Variants in NLGN2 observed in about 807,000 individuals in gnomAD.
NLGN2 encodes the protein neuroligin-2.
A neutral mutation model predicts 48.6 loss-of-function variants in NLGN2; 11 were observed. The observed-to-expected ratio is 0.23, with a 90% CI of 0.14 to 0.37. NLGN2 has a LOEUF of 0.37. Among genes scored for constraint, NLGN2 ranks in the 10% least tolerant of loss-of-function variants. The probability of loss-of-function intolerance (pLI) is 1.00; values close to 1 mark genes in which losing one functional copy is unlikely to be tolerated. For synonymous variants in NLGN2, 548 were observed against 550.0 expected, an observed-to-expected ratio of 1.00 and a Z score of 0.05; for missense variants, 801 against 1,225.2, an observed-to-expected ratio of 0.65 and a Z score of 5.17.
At position 7,419,569 on chromosome 17, in the gene NLGN2, G is replaced by C. The variant is rs1336252285; in HGVS notation, c.*1770G>C. 2 of 152,588 alleles carry C rather than the reference G, an allele frequency of 1.3e-5. No homozygotes were observed. Among genetic ancestry groups the C allele is most frequent in the African/African-American group, 4.8e-5 (2 of 41,392 alleles). 9.5% of individuals were successfully genotyped at this position (152,588 alleles called of 1,614,324 possible). A position where few individuals can be genotyped will look rare whatever the true frequency, so the allele number is the denominator to read the frequency against. ...TCCTACCTCCATCCATGGAAAATTA[G>C]TTATTTTCTGATCCTTTCCCCTGCC... is the stretch of plus-strand genomic sequence containing the variant. On this transcript the variant is annotated 3_prime_UTR_variant, in exon 7 of 7. Transcript: ENST00000302926.
chr17:7,406,692 C>T (rs1369265363), upstream of NLGN2, among the ~76,000 whole-genome samples: 1 of 151,776 alleles, frequency 6.6e-6, no homozygotes, highest in Non-Finnish European at 1.5e-5. Flanking sequence ...GTGTCTGCCC[C>T]TCCGGTCTGA....
upstream of NLGN2, among the ~76,000 whole-genome samples, chr17:7,407,339 G>C (rs765266212): frequency 6.6e-6 from 1 of 152,128 alleles, no homozygotes; most frequent in Non-Finnish European, 1.5e-5. Flanking sequence ...CCAGCCTCAA[G>C]GTACCCCAAC....
Position 7,416,116 on chromosome 17 carries a change from C to A in NLGN2, c.1634+9C>A. 2.5e-6 allele frequency: 3 copies of A among 1,191,334 alleles called. No individual in the cohort carries two copies. Among genetic ancestry groups the A allele is most frequent in the Non-Finnish European group, 3.6e-6 (3 of 823,624 alleles). 73.8% of individuals were successfully genotyped at this position (1,191,334 alleles called of 1,614,324 possible). ...AACTTCGCCAAGACTGGGTGAGGGC[C>A]AGAGGGGCTGGGCGGGGCTGGGCGG... On this transcript the variant is annotated intron_variant, in intron 6 of 6. Transcript: ENST00000302926.
chr17:7,406,029 A>C (rs1373102642), upstream of NLGN2, among the ~76,000 whole-genome samples: 1 of 152,060 alleles, frequency 6.6e-6, no homozygotes, highest in African/African-American at 2.4e-5. Context: ...AGAGATGAGG[A>C]GAGAAAATGG....
In NLGN2 at chr17:7,417,295, C is replaced by T. The variant is rs374986007; in HGVS notation, c.2004C>T (p.Asp668=). The change falls in exon 7 of 7, where the codon GAC becomes GAT. Residue 668 remains aspartate, a synonymous_variant. Coordinates refer to ENST00000302926, the MANE Select transcript of NLGN2 (RefSeq NM_020795.4). ...GPRAYDRFPG[D]SRDYSTELSV... ...GGGCCTATGACCGCTTCCCCGGGGA[C>T]TCACGGGACTACTCCACGGAGCTGA... The T allele has an allele frequency of 6.2e-7, 1 of 1,603,494 alleles. No homozygotes were observed. Among genetic ancestry groups the T allele is most frequent in the African/African-American group, 1.4e-5 (1 of 73,476 alleles).
At position 7,417,753 on chromosome 17, in the gene NLGN2, G is replaced by A; in HGVS notation, c.2462G>A (p.Ser821Asn). 2 of 1,121,488 alleles carry A rather than the reference G, an allele frequency of 1.8e-6. No homozygotes were observed. Among genetic ancestry groups the A allele is most frequent in the South Asian group, 4.1e-5 (2 of 48,814 alleles). 69.5% of individuals were successfully genotyped at this position (1,121,488 alleles called of 1,614,324 possible). A position where few individuals can be genotyped will look rare whatever the true frequency, so the allele number is the denominator to read the frequency against. Reference protein sequence around the residue: ...PFPPPPPTATSHNNTLPHPHS... With the variant: ...PFPPPPPTATNHNNTLPHPHS... ...CCCCCGCCCCCTCCCACCGCCACCA[G>A]CCACAACAACACGCTACCCCACCCC... is the stretch of plus-strand genomic sequence containing the variant. Residue 821 changes from serine (S) to asparagine (N), a missense_variant, in exon 7 of 7, where the codon AGC (serine) becomes AAC (asparagine). Around this residue, in one of 5 missense-constraint regions of NLGN2, gnomAD observed 276 missense variants for 313.9 expected, o/e 0.88. Coordinates refer to ENST00000302926, the MANE Select transcript of NLGN2 (RefSeq NM_020795.4).
Position 7,414,697 on chromosome 17 carries a change from C to T in NLGN2, c.693C>T (p.Gly231=). The T allele has an allele frequency of 6.2e-7, 1 of 1,614,164 alleles. No individual in the cohort carries two copies. The highest frequency in any genetic ancestry group is 1.1e-5 in the South Asian group (1 of 91,084). The change falls in exon 4 of 7, where the codon GGC becomes GGT. Residue 231 remains glycine (G), a synonymous_variant. Coordinates refer to ENST00000302926, the MANE Select transcript of NLGN2 (RefSeq NM_020795.4). ...GCACCGGGGACCAGGCTGCAAAAGG[C>T]AACTATGGGCTCCTGGACCAGATCC... ...FLSTGDQAAK[G]NYGLLDQIQA...
At chr17:7,409,493 G>C (rs1906790631) in intron 1 of NLGN2, among the ~76,000 whole-genome samples, 1 of 152,044 alleles carries the variant, frequency 6.6e-6, no homozygotes. Flanking sequence ...ACACCTTCCA[G>C]AGTGTGAACA....
upstream of NLGN2, among the ~76,000 whole-genome samples, chr17:7,406,678 C>T (rs1435544656): frequency 2.7e-5 from 4 of 150,042 alleles, no homozygotes; most frequent in East Asian, 2.0e-4. Context: ...CCGAAATGAC[C>T]TGGGTGTCTG....
chr17:7,416,468 G>T (rs1597713420), intron 6 of NLGN2, among the ~76,000 whole-genome samples: 1 of 152,076 alleles, frequency 6.6e-6, no homozygotes, highest in South Asian at 2.1e-4. Context: ...TTCTGTCTCT[G>T]TCTCTCTGAA....
rs1906767423 is a variant in NLGN2 at position 7,408,857 on chromosome 17, C to T, written c.457+145C>T. The T allele has an allele frequency of 2.1e-6, 3 of 1,442,984 alleles. No homozygotes were observed. The African/African-American group carries it at 4.2e-5, about 20-fold the overall frequency. 89.4% of individuals were successfully genotyped at this position (1,442,984 alleles called of 1,614,324 possible). A position where few individuals can be genotyped will look rare whatever the true frequency, so the allele number is the denominator to read the frequency against. On this transcript the variant is annotated intron_variant, in intron 1 of 6. Transcript: ENST00000302926. The surrounding 1 kb of genome is among the most constrained non-coding windows in gnomAD (Gnocchi z 7.5). ...GGACGGAGTGTCCCTGCAACCTCTA[C>T]GTGCCCCCTGAGGATTGTAAGGGTG...
chr17:7,408,864 C>T lies in NLGN2; in HGVS notation c.457+152C>T. On this transcript the variant is annotated intron_variant, in intron 1 of 6. Coordinates refer to ENST00000302926, the MANE Select transcript of NLGN2 (RefSeq NM_020795.4). The surrounding 1 kb of genome is among the most constrained non-coding windows in gnomAD (Gnocchi z 7.5). ...GTGTCCCTGCAACCTCTACGTGCCC[C>T]CTGAGGATTGTAAGGGTGCCTCCAG... 2.8e-6 allele frequency: 4 copies of T among 1,412,460 alleles called. No individual in the cohort carries two copies. The highest frequency in any genetic ancestry group is 3.9e-6 in the Non-Finnish European group (4 of 1,030,784). The allele number at this position is 1,412,460 out of a possible 1,614,324, so 87.5% of individuals were successfully genotyped here.
At position 7,419,083 on chromosome 17, in the gene NLGN2, G is replaced by T; in HGVS notation, c.*1284G>T. On this transcript the variant is annotated 3_prime_UTR_variant, in exon 7 of 7. Transcript: ENST00000302926. ...CTTCATCTCCGTCCCCCTCTTTGAA[G>T]CTGTCCCCATCTCAGTGTCAGACCA... 1 of 152,496 alleles carries T rather than the reference G, an allele frequency of 6.6e-6. No individual in the cohort carries two copies. Among genetic ancestry groups the T allele is most frequent in the Non-Finnish European group, 1.5e-5 (1 of 68,144 alleles). 9.4% of individuals were successfully genotyped at this position (152,496 alleles called of 1,614,324 possible).
Position 7,411,783 on chromosome 17 carries a change from C to T in NLGN2, c.458-374C>T, listed in dbSNP as rs572970926. Among the ~76,000 whole-genome samples the T allele has an allele frequency of 6.6e-6, 1 of 152,112 alleles. No homozygotes were observed. The highest frequency in any genetic ancestry group is 2.4e-5 in the African/African-American group (1 of 41,504). ...GTGGGCTTCCCCTCCCCTCCCACCC[C>T]ACCTCTAACACTGTTTCATTTCCAG... On this transcript the variant is annotated intron_variant, in intron 1 of 6. Coordinates refer to ENST00000302926, the MANE Select transcript of NLGN2 (RefSeq NM_020795.4). The surrounding 1 kb of genome is among the most constrained non-coding windows in gnomAD (Gnocchi z 4.5).
Position 7,413,082 on chromosome 17 carries a change from C to T in NLGN2, c.508+875C>T, listed in dbSNP as rs1003358644. Among the ~76,000 whole-genome samples, 2 of 152,240 alleles carry T rather than the reference C, an allele frequency of 1.3e-5. No individual in the cohort carries two copies. Among genetic ancestry groups the T allele is most frequent in the Admixed American group, 6.5e-5 (1 of 15,292 alleles). ...CAGGACCTTGGAGGGAAGGAGATTC[C>T]GGCCTGAAAGTGCTGGGAGGTCACT... On this transcript the variant is annotated intron_variant, in intron 2 of 6. Transcript: ENST00000302926. This position sits in a 1 kb window ranked among gnomAD's most constrained non-coding sequence, Gnocchi z 4.9.
chr17:7,408,317 C>CCGG lies in NLGN2; in HGVS notation c.71_73dup (p.Gly24dup). On this transcript the variant is annotated inframe_insertion, in exon 1 of 7. Coordinates refer to ENST00000302926, the MANE Select transcript of NLGN2 (RefSeq NM_020795.4). This position sits in a 1 kb window ranked among gnomAD's most constrained non-coding sequence, Gnocchi z 7.5. ...GGGGCTCAACGCGGGGGAGGGGGTC[C>CCGG]CGGCGGCGGCGCCCCGGGCGGCCCC... 7.2e-7 allele frequency: 1 copy of CCGG among 1,388,150 alleles called. No individual in the cohort carries two copies. The highest frequency in any genetic ancestry group is 9.3e-7 in the Non-Finnish European group (1 of 1,080,798). 86.0% of individuals were successfully genotyped at this position (1,388,150 alleles called of 1,614,324 possible). A position where few individuals can be genotyped will look rare whatever the true frequency, so the allele number is the denominator to read the frequency against.
rs1906980510 is a variant in NLGN2, at chr17:7,413,541, C to T, written c.509-803C>T. On this transcript the variant is annotated intron_variant, in intron 2 of 6. Coordinates refer to ENST00000302926, the MANE Select transcript of NLGN2 (RefSeq NM_020795.4). This position sits in a 1 kb window ranked among gnomAD's most constrained non-coding sequence, Gnocchi z 4.9. ...GCAAGCACTCTCAGACTCCCACATC[C>T]TCTGGAATTAGTCACCCTTCAGTCC... Among the ~76,000 whole-genome samples, 1 of 152,174 alleles carries T rather than the reference C, an allele frequency of 6.6e-6. No homozygotes were observed. Among genetic ancestry groups the T allele is most frequent in the African/African-American group, 2.4e-5 (1 of 41,436 alleles).
At chr17:7,416,789 C>T (rs1907116571) in intron 6 of NLGN2, 137 bp from the exon 7 acceptor site, 1 of 1,065,612 alleles carries the variant, frequency 9.4e-7, no homozygotes, top group South Asian at 1.4e-5. Context: ...GTCTCTCTGC[C>T]TCTGTGACTT....
chr17:7,410,907 G>A (rs574561993), intron 1 of NLGN2, among the ~76,000 whole-genome samples: 33 of 152,356 alleles, frequency 2.2e-4, no homozygotes, highest in Admixed American at 6.5e-4. Context: ...CAAAGAAGAG[G>A]CCCTGTTCCC....
Sources: allele counts gnomAD v4.1 joint callset (sites outside exome capture counted in the v4.1 genomes callset), GRCh38; gene constraint gnomAD v4.1.1; regional missense constraint gnomAD v4.1.1; non-coding constraint Gnocchi (gnomAD v3.1); transcripts MANE v1.5; gene names NCBI Gene and HGNC (gene_info 2026-07-23, HGNC 2026-07-21).